The following FGF12 variants were observed in gnomAD, a reference collection of about 807,000 sequenced individuals.
FGF12 encodes the protein fibroblast growth factor 12, also known as fibroblast growth factor 12B.
In FGF12, 14 loss-of-function variants were observed where a neutral mutation model predicts 23.6. That is an observed-to-expected ratio of 0.59 (90% CI 0.39 to 0.93). FGF12 has a LOEUF of 0.93. Among genes scored for constraint, FGF12 ranks in the 40% least tolerant of loss-of-function variants. FGF12 has a pLI of 0.00. For missense variants in FGF12, 175 were observed against 217.8 expected (o/e 0.80, Z 1.24); for synonymous variants, 62 against 77.3 (o/e 0.80, Z 1.04).
chr3:192,715,536 T>G (rs764168552), intron 2 of FGF12, among the ~76,000 whole-genome samples: 3 of 152,216 alleles, frequency 2.0e-5, no homozygotes, highest in South Asian at 2.1e-4. Context: ...AAATGCCAAC[T>G]CCTTCCTAGA....
chr3:192,174,007 C>T (rs1014942137), intron 4 of FGF12, among the ~76,000 whole-genome samples: 31 of 152,298 alleles, frequency 2.0e-4, no homozygotes, highest in Admixed American at 3.9e-4. Context: ...TGTTGAACAA[C>T]GGGCTCCTCG....
At chr3:192,642,847 G>A (rs1023796546) in intron 2 of FGF12, among the ~76,000 whole-genome samples, 3 of 152,232 alleles carry the variant, frequency 2.0e-5, no homozygotes, top group Non-Finnish European at 4.4e-5. Flanking sequence ...CTTTGACGCC[G>A]TGCCAGCTCT....
At chr3:192,418,041 G>A (rs574998505) in intron 2 of FGF12, among the ~76,000 whole-genome samples, 1 of 152,152 alleles carries the variant, frequency 6.6e-6, no homozygotes, top group African/African-American at 2.4e-5. Flanking sequence ...CAATCTCATA[G>A]GGATTATTTT....
chr3:192,647,693 G>GTGTATA (rs1560180793), intron 2 of FGF12, among the ~76,000 whole-genome samples: 1 of 145,838 alleles, frequency 6.9e-6, no homozygotes, highest in Admixed American at 6.9e-5. Flanking sequence ...ACATATATAT[G>GTGTATA]TATATATGTG....
chr3:192,652,304 G>A (rs544919943), intron 2 of FGF12, among the ~76,000 whole-genome samples: 41 of 152,254 alleles, frequency 2.7e-4, no homozygotes, highest in Admixed American at 1.8e-3. Context: ...ATTTCAATAG[G>A]GAGCATAGCA....
intron 2 of FGF12, among the ~76,000 whole-genome samples, chr3:192,440,220 A>G (rs1722164649): frequency 6.6e-6 from 1 of 152,208 alleles, no homozygotes; most frequent in South Asian, 2.1e-4. Context: ...TTTATTTGTT[A>G]TAAGAGCAAC....
At chr3:192,337,476 G>GGTAA (rs2108703567) in intron 3 of FGF12, among the ~76,000 whole-genome samples, 1 of 152,232 alleles carries the variant, frequency 6.6e-6, no homozygotes, top group South Asian at 2.1e-4. Flanking sequence ...ATAAAATAAG[G>GGTAA]ATAAATAACC....
chr3:192,170,764 A>C, intron 4 of FGF12, 108 bp from the exon 5 acceptor site: 3 of 876,572 alleles, frequency 3.4e-6, no homozygotes, highest in Non-Finnish European at 5.2e-6. Flanking sequence ...TTAAGAACAA[A>C]TGAAAGGCAA....
chr3:192,645,898 G>A (rs975959790), intron 2 of FGF12, among the ~76,000 whole-genome samples: 2 of 151,896 alleles, frequency 1.3e-5, no homozygotes, highest in African/African-American at 4.8e-5. Flanking sequence ...AAGGAAAGGC[G>A]TAGAGTGCTA....
chr3:192,504,494 A>C (rs1309759794), intron 2 of FGF12, among the ~76,000 whole-genome samples: 1 of 152,124 alleles, frequency 6.6e-6, no homozygotes, highest in Non-Finnish European at 1.5e-5. Flanking sequence ...AAGAGTCTTT[A>C]CCCTTCCATC....
At position 192,544,230 on chromosome 3, in the gene FGF12, C is replaced by T. The variant is rs115627772; in HGVS notation, c.13+182951G>A. Among the ~76,000 whole-genome samples the T allele has an allele frequency of 7.0e-3, 1,069 of 152,182 alleles. 4 individuals are homozygous for T. The highest frequency in any genetic ancestry group is 0.024 in the African/African-American group (1,002 of 41,516). ...AAGCACACAGATTTTTTTTTCTCCA[C>T]GCCACAGAACTGCTGCTGGGGGGAG... On this transcript the variant is annotated intron_variant, in intron 2 of 5. Coordinates refer to ENST00000445105, the MANE Select transcript of FGF12 (RefSeq NM_004113.6).
intron 2 of FGF12, among the ~76,000 whole-genome samples, chr3:192,685,317 C>T (rs1184480834): frequency 1.3e-5 from 2 of 152,174 alleles, no homozygotes; most frequent in Non-Finnish European, 2.9e-5. Context: ...TCCCAAAGTG[C>T]TGGGATTACA....
At chr3:192,445,054 T>C (rs1364675343) in intron 2 of FGF12, among the ~76,000 whole-genome samples, 2 of 152,244 alleles carry the variant, frequency 1.3e-5, no homozygotes, top group African/African-American at 4.8e-5. Flanking sequence ...TCCACCATGC[T>C]TTAAAGCAGA....
chr3:192,253,081 G>A (rs191256432), intron 4 of FGF12, among the ~76,000 whole-genome samples: 19 of 152,192 alleles, frequency 1.2e-4, no homozygotes, highest in Admixed American at 2.0e-4. Flanking sequence ...ATCAAAAATC[G>A]TTGGATCTCT....
intron 4 of FGF12, among the ~76,000 whole-genome samples, chr3:192,187,195 A>C (rs1321929150): frequency 2.0e-5 from 3 of 152,206 alleles, no homozygotes; most frequent in South Asian, 2.1e-4. Context: ...TGTATTTAAA[A>C]CTACTGTGTG....
intron 2 of FGF12, among the ~76,000 whole-genome samples, chr3:192,616,727 G>A (rs183907259): frequency 8.5e-4 from 129 of 151,986 alleles, no homozygotes; most frequent in Admixed American, 2.2e-3. Context: ...AATCTTCTAC[G>A]GCATTATGTA....
At chr3:192,284,419 T>C (rs1714327187) in intron 4 of FGF12, among the ~76,000 whole-genome samples, 1 of 152,036 alleles carries the variant, frequency 6.6e-6, no homozygotes, top group Admixed American at 6.6e-5. Flanking sequence ...TCAAATAATC[T>C]TTACACCAGA....
At chr3:192,356,500 AT>A (rs1718478449) in intron 3 of FGF12, among the ~76,000 whole-genome samples, 1 of 149,450 alleles carries the variant, frequency 6.7e-6, no homozygotes, top group South Asian at 2.1e-4. Flanking sequence ...CCAAACTGCC[AT>A]TGTCTTTTTT....
At chr3:192,479,930 G>A (rs1171580688) in intron 2 of FGF12, among the ~76,000 whole-genome samples, 1 of 152,066 alleles carries the variant, frequency 6.6e-6, no homozygotes, top group African/African-American at 2.4e-5. Flanking sequence ...CTGGGGAAGG[G>A]TTTGTGGCAC....
Sources: gnomAD v4.1 joint callset for allele counts (sites outside exome capture counted in the v4.1 genomes callset) on GRCh38, gnomAD v4.1.1 for gene constraint, MANE v1.5 for transcripts, NCBI Gene and HGNC (gene_info 2026-07-23, HGNC 2026-07-21) for gene names.